IQCJ: variants seen among roughly 807,000 people sequenced by gnomAD.
The protein encoded by IQCJ is IQ domain-containing protein J.
In IQCJ, 9 loss-of-function variants were observed where a neutral mutation model predicts 11.0. The ratio of observed to expected loss-of-function variants is 0.82; its 90% CI spans 0.49 to 1.43. The LOEUF is 1.43. IQCJ is among the 40% of genes most tolerant of loss of function. IQCJ has a pLI of 0.00. For missense variants in IQCJ, 146 were observed against 133.2 expected, an observed-to-expected ratio of 1.10 and a Z score of -0.47; for synonymous variants, 55 against 51.3, an observed-to-expected ratio of 1.07 and a Z score of -0.31.
intron 2 of IQCJ, among the ~76,000 whole-genome samples, chr3:159,247,464 A>C (rs988594891): frequency 1.3e-5 from 2 of 152,098 alleles, no homozygotes; most frequent in Non-Finnish European, 2.9e-5. Flanking sequence ...CCACTTTAAT[A>C]GTTAGTTTTG....
intron 1 of IQCJ, among the ~76,000 whole-genome samples, chr3:159,106,844 A>G (rs974483351): frequency 6.6e-5 from 10 of 152,126 alleles, no homozygotes; most frequent in Non-Finnish European, 1.3e-4. Context: ...TAATTTGTTA[A>G]TGGCTCACAG....
intron 1 of IQCJ, among the ~76,000 whole-genome samples, chr3:159,071,310 C>T (rs1715544990): frequency 6.6e-6 from 1 of 151,866 alleles, no homozygotes; most frequent in South Asian, 2.1e-4. Flanking sequence ...TAATGTTATA[C>T]TCATATATTG....
chr3:159,119,671 A>T (rs549962921), intron 1 of IQCJ, among the ~76,000 whole-genome samples: 1 of 152,332 alleles, frequency 6.6e-6, no homozygotes, highest in South Asian at 2.1e-4. Flanking sequence ...TGTTGTCAAC[A>T]TTGTTTTGCT....
intron 1 of IQCJ, among the ~76,000 whole-genome samples, chr3:159,154,243 G>A (rs1721389748): frequency 6.6e-6 from 1 of 151,938 alleles, no homozygotes; most frequent in African/African-American, 2.4e-5. Context: ...ATTAGTTTTT[G>A]CTCCACTTTA....
intron 2 of IQCJ, among the ~76,000 whole-genome samples, chr3:159,246,856 G>A (rs1488595329): frequency 6.6e-6 from 1 of 152,094 alleles, no homozygotes; most frequent in Admixed American, 6.6e-5. Flanking sequence ...AATAGAACAA[G>A]AGTCAATGAG....
chr3:159,123,978 A>C (rs1224895826), intron 1 of IQCJ, among the ~76,000 whole-genome samples: 1 of 152,092 alleles, frequency 6.6e-6, no homozygotes, highest in African/African-American at 2.4e-5. Flanking sequence ...TCACTGCCTA[A>C]CCTCAACCTC....
chr3:159,263,244 G>T lies in IQCJ; in HGVS notation c.*513G>T. On this transcript the variant is annotated 3_prime_UTR_variant, in exon 4 of 4. Transcript: ENST00000397832. ...GCTCCTGACAATGTGACACCATGTG[G>T]CGATACAGGCAGGCATGGCCAAATG... 3.1e-6 allele frequency: 1 copy of T among 317,934 alleles called. No homozygotes were observed. The highest frequency in any genetic ancestry group is 4.6e-6 in the Non-Finnish European group (1 of 219,700). The allele number at this position is 317,934 out of a possible 1,614,324, so 19.7% of individuals were successfully genotyped here.
intron 1 of IQCJ, among the ~76,000 whole-genome samples, chr3:159,133,685 C>G (rs1185780975): frequency 1.3e-5 from 2 of 152,082 alleles, no homozygotes; most frequent in Non-Finnish European, 2.9e-5. Context: ...GAATGGGGTT[C>G]TGTACCAGTG....
At chr3:159,140,393 T>C (rs538563386) in intron 1 of IQCJ, among the ~76,000 whole-genome samples, 1 of 152,256 alleles carries the variant, frequency 6.6e-6, no homozygotes, top group South Asian at 2.1e-4. Context: ...AGATGAGCAG[T>C]TGTGGATGGA....
intron 1 of IQCJ, among the ~76,000 whole-genome samples, chr3:159,090,692 G>T (rs933822584): frequency 6.6e-6 from 1 of 151,870 alleles, no homozygotes; most frequent in Admixed American, 6.5e-5. Context: ...GCTGTGGAGA[G>T]CGTACAGCGG....
chr3:159,252,586 T>C lies in IQCJ; in HGVS notation c.75-141T>C, dbSNP rs191598545. 24 of 720,486 alleles carry C rather than the reference T, an allele frequency of 3.3e-5. No homozygotes were observed. In the African/African-American group the frequency reaches 3.9e-4, roughly 12 times the overall value. 44.6% of individuals were successfully genotyped at this position (720,486 alleles called of 1,614,324 possible). A position where few individuals can be genotyped will look rare whatever the true frequency, so the allele number is the denominator to read the frequency against. The stretch of plus-strand genomic sequence containing the variant: ...GATATGGTTACTCATCCATCATCCA[T>C]CAACAGGAACTTTAATAAATTAAAA... On this transcript the variant is annotated intron_variant, in intron 2 of 3. Coordinates refer to ENST00000397832, the MANE Select transcript of IQCJ (RefSeq NM_001042706.3).
At chr3:159,201,700 T>C (rs1315005570) in intron 1 of IQCJ, among the ~76,000 whole-genome samples, 1 of 132,890 alleles carries the variant, frequency 7.5e-6, no homozygotes, top group African/African-American at 2.9e-5. Context: ...AGTGGCGGGA[T>C]CTCGGCTCAC....
intron 3 of IQCJ, among the ~76,000 whole-genome samples, chr3:159,253,610 AACACACAC>A (rs5853857): frequency 2.9e-4 from 44 of 149,630 alleles, no homozygotes; most frequent in Admixed American, 7.3e-4. Flanking sequence ...CTCCCTCACA[AACACACAC>A]ACACACACAC....
At chr3:159,194,528 G>A (rs532134592) in intron 1 of IQCJ, among the ~76,000 whole-genome samples, 5 of 152,330 alleles carry the variant, frequency 3.3e-5, no homozygotes, top group Admixed American at 3.3e-4. Flanking sequence ...GGTGGCCACT[G>A]TCAAGCTTCT....
chr3:159,169,247 T>C (rs1722342980), intron 1 of IQCJ, among the ~76,000 whole-genome samples: 1 of 149,072 alleles, frequency 6.7e-6, no homozygotes, highest in South Asian at 2.1e-4. Flanking sequence ...AAAGCCTATG[T>C]TCTTTTTTTT....
At chr3:159,127,651 G>A (rs1045581514) in intron 1 of IQCJ, among the ~76,000 whole-genome samples, 5 of 152,140 alleles carry the variant, frequency 3.3e-5, no homozygotes, top group African/African-American at 1.2e-4. Flanking sequence ...AAAGCATAGT[G>A]CATTTAGTCG....
At chr3:159,201,077 A>G (rs1724303048) in intron 1 of IQCJ, among the ~76,000 whole-genome samples, 1 of 152,244 alleles carries the variant, frequency 6.6e-6, no homozygotes, top group Admixed American at 6.5e-5. Context: ...AAATTTCATC[A>G]GTAATCACAC....
intron 3 of IQCJ, among the ~76,000 whole-genome samples, chr3:159,253,838 A>C (rs949715801): frequency 1.1e-4 from 16 of 152,240 alleles, no homozygotes; most frequent in Non-Finnish European, 1.9e-4. Flanking sequence ...AGGAACTAAA[A>C]CAGAAATCAC....
intron 1 of IQCJ, among the ~76,000 whole-genome samples, chr3:159,140,185 G>T (rs1720523100): frequency 1.3e-5 from 2 of 152,074 alleles, no homozygotes; most frequent in African/African-American, 2.4e-5. Context: ...TTACATTAGG[G>T]TTCACGATTG....
Sources: gnomAD v4.1 joint callset for allele counts (sites outside exome capture counted in the v4.1 genomes callset) on GRCh38, gnomAD v4.1.1 for gene constraint, MANE v1.5 for transcripts, NCBI Gene and HGNC (gene_info 2026-07-23, HGNC 2026-07-21) for gene names.